The following STRA6 variants were observed in gnomAD, a reference collection of about 807,000 sequenced individuals.
STRA6 encodes the protein signaling receptor and transporter of retinol STRA6.
STRA6 carries 48 observed loss-of-function variants against 83.6 expected under a neutral mutation model. The observed-to-expected ratio is 0.57, with a 90% CI of 0.46 to 0.73. The LOEUF is 0.73. Among genes scored for constraint, STRA6 ranks in the 30% least tolerant of loss-of-function variants. The pLI is 0.00. For missense variants in STRA6, 760 were observed against 838.8 expected, an observed-to-expected ratio of 0.91 and a Z score of 1.16; for synonymous variants, 353 against 362.3, an observed-to-expected ratio of 0.97 and a Z score of 0.29.
At position 74,195,068 on chromosome 15, in the gene STRA6, C is replaced by T. The variant is rs921178713; in HGVS notation, c.597+234G>A. On this transcript the variant is annotated intron_variant, in intron 7 of 18. Transcript: ENST00000395105. Reference sequence around the variant, plus strand: ...CCTACTCTGCCCACTTCCCCTTCTCCGCCACCTCCTAGACTTAAAGTTCCT... The same window carrying T: ...CCTACTCTGCCCACTTCCCCTTCTCTGCCACCTCCTAGACTTAAAGTTCCT... 1.1e-4 allele frequency: 153 copies of T among 1,447,562 alleles called. 1 individual carries two copies. The South Asian group carries it at 1.4e-3, about 13-fold the overall frequency. The allele number at this position is 1,447,562 out of a possible 1,614,324, so 89.7% of individuals were successfully genotyped here. A position where few individuals can be genotyped will look rare whatever the true frequency, so the allele number is the denominator to read the frequency against.
chr15:74,196,187 A>C, intron 4 of STRA6, 40 bp from the exon 5 acceptor site: 1 of 1,610,544 alleles, frequency 6.2e-7, no homozygotes. Context: ...GGAGTTGCTC[A>C]GCCCCTGCAC....
intron 7 of STRA6, 59 bp downstream of exon 7, chr15:74,195,243 G>C (rs903277279): frequency 5.0e-6 from 8 of 1,594,214 alleles, no homozygotes; most frequent in Non-Finnish European, 6.8e-6. Context: ...GAGGCACTGT[G>C]GTTTGAGTAG....
At chr15:74,208,881 C>T (rs750414148) in exon 1 of STRA6, 1 of 989,646 alleles carries the variant, frequency 1.0e-6, no homozygotes, top group African/African-American at 1.7e-5. Context: ...ACTTGTCCCT[C>T]CAGGCAAGCA....
upstream of STRA6, among the ~76,000 whole-genome samples, chr15:74,206,834 C>T (rs2074271675): frequency 1.3e-5 from 2 of 152,256 alleles, no homozygotes. Flanking sequence ...GGCTCCCTCG[C>T]TGTGACCAGC....
At chr15:74,207,598 A>G, upstream of STRA6, 1 of 1,161,886 alleles carries the variant, frequency 8.6e-7, no homozygotes, top group Non-Finnish European at 1.2e-6. Context: ...CCAATAGTTT[A>G]CAATACTCAA....
At chr15:74,207,766 G>C, upstream of STRA6, 1 of 1,535,708 alleles carries the variant, frequency 6.5e-7, no homozygotes, top group Non-Finnish European at 8.7e-7. Flanking sequence ...GCGGGCCCGT[G>C]AGCTTGGGGT....
At chr15:74,202,847 T>C, upstream of STRA6, 1 of 1,051,916 alleles carries the variant, frequency 9.5e-7, no homozygotes, top group Non-Finnish European at 1.1e-6. Flanking sequence ...CCTGCCCCTT[T>C]CTGGCCCCTT....
chr15:74,196,755 C>T (rs1450259830), intron 4 of STRA6, among the ~76,000 whole-genome samples: 1 of 152,200 alleles, frequency 6.6e-6, no homozygotes, highest in African/African-American at 2.4e-5. Context: ...CCTCGGTGCA[C>T]AGTCTGGGTC....
Position 74,188,021 on chromosome 15 carries a change from G to A in STRA6, c.1090+1094C>T, listed in dbSNP as rs1300182022. ...GCAACCAGCTCAGAAAATCTCCTGG[G>A]AGAGGACATTTTCAGCTCACCCGGA... On this transcript the variant is annotated intron_variant, in intron 12 of 18. Transcript: ENST00000395105. The surrounding 1 kb of genome is among the most constrained non-coding windows in gnomAD (Gnocchi z 4.5). Among the ~76,000 whole-genome samples, 1 of 152,190 alleles carries A rather than the reference G, an allele frequency of 6.6e-6. No individual in the cohort carries two copies. Among genetic ancestry groups the A allele is most frequent in the Non-Finnish European group, 1.5e-5 (1 of 68,032 alleles).
At chr15:74,211,596 G>A (rs896590991), upstream of STRA6, among the ~76,000 whole-genome samples, 2 of 151,996 alleles carry the variant, frequency 1.3e-5, no homozygotes, top group Non-Finnish European at 2.9e-5. Context: ...TAGAGATGAG[G>A]TTTCTCCATG....
At chr15:74,209,092 A>G, upstream of STRA6, 1 of 1,282,730 alleles carries the variant, frequency 7.8e-7, no homozygotes, top group Non-Finnish European at 9.9e-7. Context: ...TCCTGCCCTC[A>G]CAGACCTCCC....
upstream of STRA6, among the ~76,000 whole-genome samples, chr15:74,210,881 A>G (rs74522625): frequency 0.027 from 4,180 of 152,292 alleles, 93 homozygotes; most frequent in Non-Finnish European, 0.042. Flanking sequence ...TAGCTGGGTG[A>G]AAAACAGTTG....
chr15:74,194,747 GTGAA>G (rs1321155184), intron 7 of STRA6: 1 of 1,251,410 alleles, frequency 8.0e-7, no homozygotes. Context: ...GAATGGGTGA[GTGAA>G]TGAATGAAGT....
chr15:74,182,614 A>G (rs2073051780), intron 14 of STRA6, 154 bp from the exon 15 acceptor site: 5 of 636,976 alleles, frequency 7.8e-6, no homozygotes, highest in Non-Finnish European at 8.3e-6. Context: ...TGAACAAATC[A>G]CTTTACTTCA....
chr15:74,209,477 G>C (rs573051017), upstream of STRA6: 3 of 1,531,978 alleles, frequency 2.0e-6, no homozygotes, highest in African/African-American at 4.1e-5. Flanking sequence ...CAGCTGGGCT[G>C]AGGGCCCTGA....
intron 4 of STRA6, among the ~76,000 whole-genome samples, chr15:74,196,807 T>A (rs148946355): frequency 6.6e-6 from 1 of 152,348 alleles, no homozygotes; most frequent in Non-Finnish European, 1.5e-5. Flanking sequence ...ACCCATCACC[T>A]GCCCCAACCC....
At chr15:74,186,594 T>C (rs1471312492) in intron 12 of STRA6, among the ~76,000 whole-genome samples, 5 of 149,988 alleles carry the variant, frequency 3.3e-5, no homozygotes, top group Admixed American at 3.3e-4. Context: ...GGAGACAGAA[T>C]GAGACTCCGT....
chr15:74,191,010 A>C lies in STRA6; in HGVS notation c.866-109T>G, dbSNP rs774200556. 5.1e-6 allele frequency: 8 copies of C among 1,576,498 alleles called. No individual in the cohort carries two copies. In the South Asian group the frequency reaches 9.2e-5, roughly 18 times the overall value. The stretch of plus-strand genomic sequence containing the variant: ...GGGCCAGCAGGACCCTAAATGACCA[A>C]GGCCAGGCCAGGGTCTTCCCGCTGT... On this transcript the variant is annotated intron_variant, in intron 10 of 18. Transcript: ENST00000395105.
rs750541110 is a variant in STRA6, at chr15:74,195,365, C to T, written c.534G>A (p.Thr178=). The T allele has an allele frequency of 1.1e-5, 17 of 1,613,378 alleles. No homozygotes were observed. Among genetic ancestry groups the T allele is most frequent in the East Asian group, 4.5e-5 (2 of 44,888 alleles). ...GGACCCCAAGGTGGGCCCAGGACAG[C>T]GTGCTGCCGAGCAGGTGTGCAGCTG... ...GHTAAHLLGS[T]LSWAHLGVQV... is the part of the protein sequence containing the mutation. The change falls in exon 7 of 19, where the codon ACG becomes ACA. Residue 178 remains threonine (T), a synonymous_variant. Coordinates refer to ENST00000395105, the MANE Select transcript of STRA6 (RefSeq NM_022369.4).
Sources: gnomAD v4.1 joint callset for allele counts (sites outside exome capture counted in the v4.1 genomes callset) on GRCh38, gnomAD v4.1.1 for gene constraint, Gnocchi (gnomAD v3.1) non-coding constraint, MANE v1.5 for transcripts, NCBI Gene and HGNC (gene_info 2026-07-23, HGNC 2026-07-21) for gene names.